Variants in SIK3 observed in about 807,000 individuals in gnomAD.
The protein encoded by SIK3 is serine/threonine-protein kinase SIK3.
Under a neutral mutation model 144.2 loss-of-function variants are expected in SIK3, and 28 were observed. The ratio of observed to expected loss-of-function variants is 0.19; its 90% CI spans 0.14 to 0.27. The LOEUF (loss-of-function observed/expected upper bound fraction) is 0.27, where lower values mean the gene tolerates loss of function less well. SIK3 is among the 10% of genes least tolerant of loss of function. The probability of loss-of-function intolerance (pLI) is 1.00; values close to 1 mark genes in which losing one functional copy is unlikely to be tolerated. For missense variants in SIK3, 1,319 were observed against 1,776.0 expected (o/e 0.74, Z 4.62); for synonymous variants, 686 against 676.3 (o/e 1.01, Z -0.22).
intron 4 of SIK3, among the ~76,000 whole-genome samples, chr11:116,915,932 T>G (rs1169705853): frequency 6.6e-6 from 1 of 152,234 alleles, no homozygotes; most frequent in Non-Finnish European, 1.5e-5. Flanking sequence ...ATAAATGGAA[T>G]GACCAAGTCA....
intron 1 of SIK3, among the ~76,000 whole-genome samples, chr11:117,074,931 C>CAA (rs72127154): frequency 8.9e-4 from 104 of 116,688 alleles, no homozygotes; most frequent in South Asian, 6.9e-3. Flanking sequence ...CGTCTCAAAA[C>CAA]AAAAAAAAAA....
intron 3 of SIK3, among the ~76,000 whole-genome samples, chr11:116,929,192 C>A (rs1281870437): frequency 6.6e-6 from 1 of 152,098 alleles, no homozygotes; most frequent in African/African-American, 2.4e-5. Flanking sequence ...CTCCTCTGAC[C>A]CCCTATTTCT....
intron 3 of SIK3, among the ~76,000 whole-genome samples, chr11:116,928,247 A>G (rs579890): frequency 0.86 from 130,198 of 152,216 alleles, 56,311 homozygotes; most frequent in Non-Finnish European, 0.89. Context: ...CCAAACCAAC[A>G]ACATACATAT....
At chr11:116,927,992 G>A (rs909500972) in intron 3 of SIK3, among the ~76,000 whole-genome samples, 1 of 152,076 alleles carries the variant, frequency 6.6e-6, no homozygotes, top group Non-Finnish European at 1.5e-5. Flanking sequence ...GCATTTATGG[G>A]GCTCACCAAA....
At chr11:117,088,378 C>A (rs546625433) in intron 1 of SIK3, among the ~76,000 whole-genome samples, 3 of 152,310 alleles carry the variant, frequency 2.0e-5, no homozygotes, top group Admixed American at 2.0e-4. Flanking sequence ...GCTGTGAAAT[C>A]TCCTTACTCG....
chr11:116,843,724 A>G lies in SIK3; in HGVS notation c.*1919T>C, dbSNP rs1941707416. On this transcript the variant is annotated 3_prime_UTR_variant, in exon 25 of 25. Coordinates refer to ENST00000445177, the MANE Select transcript of SIK3 (RefSeq NM_001366686.3). ...GGTGGTGGTAGGGCAGGTTGGGGGC[A>G]TAAGAGTTGGAACAAGCGCAGATAA... 1 of 152,262 alleles carries G rather than the reference A, an allele frequency of 6.6e-6. No individual in the cohort carries two copies. The highest frequency in any genetic ancestry group is 2.4e-5 in the African/African-American group (1 of 41,456). The allele number at this position is 152,262 out of a possible 1,614,324, so 9.4% of individuals were successfully genotyped here.
Position 116,897,227 on chromosome 11 carries a change from C to T in SIK3, c.707G>A (p.Gly236Glu). 6.2e-7 allele frequency: 1 copy of T among 1,614,056 alleles called. No individual in the cohort carries two copies. The highest frequency in any genetic ancestry group is 8.5e-7 in the Non-Finnish European group (1 of 1,179,986). Residue 236 changes from glycine (G) to glutamate (E), a missense_variant, in exon 5 of 25, where the codon GGA (glycine) becomes GAA (glutamate). Around this residue, in one of 8 missense-constraint regions of SIK3, gnomAD observed 125 missense variants for 285.2 expected, o/e 0.44. Coordinates refer to ENST00000445177, the MANE Select transcript of SIK3 (RefSeq NM_001366686.3). ...CACTTTGGGCCCATCATATTCTTTT[C>T]CTTCAAAGAGTTCAGGTGCAGCATA... Reference protein sequence around the residue: ...PPYAAPELFEGKEYDGPKVDI... With the variant: ...PPYAAPELFEEKEYDGPKVDI...
At chr11:116,985,436 A>T (rs7110113) in intron 1 of SIK3, among the ~76,000 whole-genome samples, 1 of 152,202 alleles carries the variant, frequency 6.6e-6, no homozygotes, top group African/African-American at 2.4e-5. Context: ...AATTCATTAC[A>T]GCCTAGAAAT....
chr11:116,861,765 T>A, intron 18 of SIK3, 76 bp downstream of exon 18: 1 of 923,808 alleles, frequency 1.1e-6, no homozygotes, highest in Non-Finnish European at 1.7e-6. Flanking sequence ...AGTCAGTCCA[T>A]ATCTCCCAGT....
At chr11:116,916,571 C>T (rs1053776756) in intron 4 of SIK3, among the ~76,000 whole-genome samples, 2 of 147,860 alleles carry the variant, frequency 1.4e-5, no homozygotes, top group Non-Finnish European at 3.0e-5. Flanking sequence ...AGTGCAGTGG[C>T]GCAATCTCAG....
intron 18 of SIK3, 83 bp downstream of exon 18, chr11:116,861,758 C>A: frequency 1.2e-6 from 1 of 855,198 alleles, no homozygotes. Context: ...ATGCTCAAGT[C>A]AGTCCATATC....
intron 1 of SIK3, chr11:117,035,749 A>G (rs1952468368): frequency 1.6e-6 from 2 of 1,244,610 alleles, no homozygotes; most frequent in South Asian, 2.4e-5. Flanking sequence ...TTTAATCCAA[A>G]ATGTGTTTAT....
intron 1 of SIK3, among the ~76,000 whole-genome samples, chr11:117,006,596 C>T (rs1248141485): frequency 6.6e-6 from 1 of 150,878 alleles, no homozygotes; most frequent in Non-Finnish European, 1.5e-5. Flanking sequence ...CTAGGAGTTG[C>T]AAACCCAAAC....
At chr11:116,927,745 C>T (rs1443517683) in intron 3 of SIK3, among the ~76,000 whole-genome samples, 1 of 152,126 alleles carries the variant, frequency 6.6e-6, no homozygotes, top group Non-Finnish European at 1.5e-5. Context: ...AGATAAGTAT[C>T]AGAAATATTT....
intron 1 of SIK3, among the ~76,000 whole-genome samples, chr11:117,048,885 G>A (rs766645609): frequency 6.6e-5 from 10 of 152,088 alleles, no homozygotes; most frequent in African/African-American, 9.7e-5. Context: ...TGTGGATCAT[G>A]AGGTCAGGAG....
intron 22 of SIK3, 147 bp from the exon 23 acceptor site, chr11:116,847,755 A>C: frequency 2.2e-5 from 19 of 856,952 alleles, no homozygotes; most frequent in African/African-American, 3.4e-5. Flanking sequence ...CACCACCCAA[A>C]GGGGGTGCTC....
intron 6 of SIK3, among the ~76,000 whole-genome samples, chr11:116,881,599 A>G (rs1452155454): frequency 6.6e-6 from 1 of 152,208 alleles, no homozygotes; most frequent in Non-Finnish European, 1.5e-5. Flanking sequence ...ACAACAAACC[A>G]AAACAATTCT....
intron 3 of SIK3, among the ~76,000 whole-genome samples, chr11:116,935,128 C>G (rs989770203): frequency 6.6e-6 from 1 of 151,258 alleles, no homozygotes; most frequent in Non-Finnish European, 1.5e-5. Flanking sequence ...TGGTATGCAC[C>G]TGGTAATCTG....
At chr11:116,959,371 T>C (rs7120706) in intron 1 of SIK3, among the ~76,000 whole-genome samples, 69,371 of 151,958 alleles carry the variant, frequency 0.46, 19,220 homozygotes, top group Non-Finnish European at 0.64. Flanking sequence ...TTACAAGCAA[T>C]AATGGATCAC....
Sources: gnomAD v4.1 joint callset for allele counts (sites outside exome capture counted in the v4.1 genomes callset) on GRCh38, gnomAD v4.1.1 for gene constraint, gnomAD v4.1.1 regional missense constraint, MANE v1.5 for transcripts, NCBI Gene and HGNC (gene_info 2026-07-23, HGNC 2026-07-21) for gene names.